The following NEK11 variants were observed in gnomAD, a reference collection of about 807,000 sequenced individuals.
NEK11 encodes NIMA related kinase 11.
In NEK11, 72 loss-of-function variants were observed where a neutral mutation model predicts 80.7. The observed-to-expected ratio is 0.89, with a 90% CI of 0.74 to 1.08. The LOEUF is 1.08. NEK11 is among the 50% of genes least tolerant of loss of function. The probability of loss-of-function intolerance (pLI) is 0.00; values close to 1 mark genes in which losing one functional copy is unlikely to be tolerated. For synonymous variants in NEK11, 251 were observed against 260.7 expected (o/e 0.96, Z 0.36); for missense variants, 764 against 763.6 (o/e 1.00, Z -0.01).
chr3:131,338,434 C>T (rs1267687498), intron 17 of NEK11, among the ~76,000 whole-genome samples: 1 of 152,064 alleles, frequency 6.6e-6, no homozygotes, highest in Non-Finnish European at 1.5e-5. Flanking sequence ...AAGCAATAAG[C>T]AGTTTCTTAT....
At chr3:131,041,435 A>G (rs1191433201) in intron 3 of NEK11, among the ~76,000 whole-genome samples, 7 of 152,240 alleles carry the variant, frequency 4.6e-5, no homozygotes, top group South Asian at 2.1e-4. Context: ...AAAACTGACA[A>G]CAGTAGATAA....
Position 131,246,118 on chromosome 3 carries a change from C to T in NEK11, c.1621+2622C>T, listed in dbSNP as rs546356706. Among the ~76,000 whole-genome samples, 338 of 152,026 alleles carry T rather than the reference C, an allele frequency of 2.2e-3. 1 individual carries two copies. The highest frequency in any genetic ancestry group is 3.7e-3 in the Non-Finnish European group (253 of 67,946). ...TTTAAACAAAAAAATTTTTTTTATT[C>T]CAATAGGTTTTTGGGGAACAGTTGG... On this transcript the variant is annotated intron_variant, in intron 16 of 17. Coordinates refer to ENST00000383366, the MANE Select transcript of NEK11 (RefSeq NM_024800.5).
At chr3:131,275,901 A>G (rs573548220) in intron 17 of NEK11, among the ~76,000 whole-genome samples, 48 of 152,228 alleles carry the variant, frequency 3.2e-4, no homozygotes, top group Admixed American at 5.9e-4. Flanking sequence ...ATGACAACAT[A>G]GTGGTTATGT....
At chr3:131,161,107 T>C (rs2718869) in intron 10 of NEK11, among the ~76,000 whole-genome samples, 120,704 of 148,426 alleles carry the variant, frequency 0.81, 49,131 homozygotes, top group East Asian at 0.85. Flanking sequence ...GCCGAAATCG[T>C]GCCACCGCAC....
At chr3:131,176,826 A>G (rs1445928104) in intron 14 of NEK11, among the ~76,000 whole-genome samples, 5 of 152,296 alleles carry the variant, frequency 3.3e-5, no homozygotes, top group East Asian at 1.9e-4. Flanking sequence ...TGGGAAGGCT[A>G]TATGTCATCC....
chr3:131,293,918 G>A (rs765977627), intron 17 of NEK11, among the ~76,000 whole-genome samples: 1 of 151,858 alleles, frequency 6.6e-6, no homozygotes, highest in Non-Finnish European at 1.5e-5. Flanking sequence ...CATCTATAGT[G>A]ATGTCCCCTC....
chr3:131,323,831 C>T (rs765449597), intron 17 of NEK11, among the ~76,000 whole-genome samples: 3 of 152,180 alleles, frequency 2.0e-5, no homozygotes, highest in Non-Finnish European at 4.4e-5. Context: ...TTTCACACCT[C>T]ATGTGTGTGA....
At chr3:131,040,543 C>G (rs551795009) in intron 3 of NEK11, among the ~76,000 whole-genome samples, 1 of 152,078 alleles carries the variant, frequency 6.6e-6, no homozygotes, top group Non-Finnish European at 1.5e-5. Context: ...ATATGAAAAC[C>G]CTTAAGATTG....
At chr3:131,329,505 C>CTTATATTCTA (rs1412796824) in intron 17 of NEK11, 2 of 151,696 alleles carry the variant, frequency 1.3e-5, no homozygotes, top group Non-Finnish European at 2.9e-5. Flanking sequence ...TTTCATGGAC[C>CTTATATTCTA]TTATATTCTA....
rs1391543802 is a variant in NEK11 at position 131,251,134 on chromosome 3, C to G, written c.1621+7638C>G. 2.1e-5 allele frequency among the ~76,000 whole-genome samples: 3 copies of G among 141,092 alleles called. No homozygotes were observed. In the East Asian group the frequency reaches 6.2e-4, roughly 29 times the overall value. The allele number at this position is 141,092 out of a possible 152,430, so 92.6% of individuals were successfully genotyped here. On this transcript the variant is annotated intron_variant, in intron 16 of 17. Coordinates refer to ENST00000383366, the MANE Select transcript of NEK11 (RefSeq NM_024800.5). ...TAGTAGGAAGTCCAAAACAGATTGT[C>G]TAAAACAGAAAAGTTTAAAAAAAAT...
intron 3 of NEK11, chr3:131,072,165 A>T (rs1308171618): frequency 6.6e-6 from 1 of 152,174 alleles, no homozygotes; most frequent in Non-Finnish European, 1.5e-5. Context: ...AGAGAGAGCA[A>T]TTCTGGTTTG....
intron 14 of NEK11, among the ~76,000 whole-genome samples, chr3:131,191,565 C>G (rs948245440): frequency 6.6e-6 from 1 of 152,110 alleles, no homozygotes; most frequent in African/African-American, 2.4e-5. Context: ...AGCTAATTAA[C>G]AATCTTAATT....
intron 16 of NEK11, among the ~76,000 whole-genome samples, chr3:131,266,303 G>A (rs1323378637): frequency 6.6e-6 from 1 of 152,106 alleles, no homozygotes. Flanking sequence ...TGATGTTAGG[G>A]TGTCAATTTG....
chr3:131,347,677 T>C (rs2097384004), intron 17 of NEK11, among the ~76,000 whole-genome samples: 1 of 152,140 alleles, frequency 6.6e-6, no homozygotes, highest in African/African-American at 2.4e-5. Flanking sequence ...CCCAGCACTT[T>C]GGGAGGCCAA....
intron 15 of NEK11, among the ~76,000 whole-genome samples, chr3:131,239,176 A>G (rs187060839): frequency 7.9e-5 from 12 of 152,068 alleles, no homozygotes; most frequent in African/African-American, 2.6e-4. Flanking sequence ...AGGGTTTTGC[A>G]TGATTTGGTG....
intron 10 of NEK11, among the ~76,000 whole-genome samples, chr3:131,158,400 T>G (rs2091054184): frequency 6.6e-6 from 1 of 151,842 alleles, no homozygotes; most frequent in Non-Finnish European, 1.5e-5. Flanking sequence ...CTGACAGGAG[T>G]GTATCCCACC....
rs79566117 is a variant in NEK11, at chr3:131,140,283, G to C, written c.647+6327G>C. ...ACCCTGTTGTGAGGAAGCCTGAGTG[G>C]CACATTGAGAGACCAACATGGAGAG... On this transcript the variant is annotated intron_variant, in intron 7 of 17. Transcript: ENST00000383366. Among the ~76,000 whole-genome samples, 1,274 of 152,030 alleles carry C rather than the reference G, an allele frequency of 8.4e-3. 17 individuals are homozygous for C. Among genetic ancestry groups the C allele is most frequent in the African/African-American group, 0.029 (1,210 of 41,488 alleles).
At chr3:131,093,459 T>G (rs1024323100) in intron 4 of NEK11, among the ~76,000 whole-genome samples, 9 of 152,064 alleles carry the variant, frequency 5.9e-5, no homozygotes, top group Admixed American at 5.9e-4. Context: ...AGTCTCGCTC[T>G]GTCTGTCAGG....
intron 3 of NEK11, among the ~76,000 whole-genome samples, chr3:131,062,157 T>C (rs1391643514): frequency 6.6e-6 from 1 of 152,204 alleles, no homozygotes; most frequent in Non-Finnish European, 1.5e-5. Flanking sequence ...ACATTCCCTA[T>C]ACCAAGGAAC....
Sources: allele counts gnomAD v4.1 joint callset (sites outside exome capture counted in the v4.1 genomes callset), GRCh38; gene constraint gnomAD v4.1.1; transcripts MANE v1.5; gene names NCBI Gene and HGNC (gene_info 2026-07-23, HGNC 2026-07-21).